The following DLGAP2 variants were observed in gnomAD, a reference collection of about 807,000 sequenced individuals.
DLGAP2 encodes disks large-associated protein 2.
A neutral mutation model predicts 100.3 loss-of-function variants in DLGAP2; 26 were observed. The ratio of observed to expected loss-of-function variants is 0.26; its 90% CI spans 0.19 to 0.36. DLGAP2 has a LOEUF of 0.36. DLGAP2 is among the 10% of genes least tolerant of loss of function. The pLI is 1.00. For missense variants in DLGAP2, 1,858 were observed against 1,453.2 expected, an observed-to-expected ratio of 1.28 and a Z score of -4.53; for synonymous variants, 886 against 630.1, an observed-to-expected ratio of 1.41 and a Z score of -6.08.
chr8:1,456,094 A>C (rs568903540), intron 3 of DLGAP2, among the ~76,000 whole-genome samples: 1 of 152,250 alleles, frequency 6.6e-6, no homozygotes, highest in African/African-American at 2.4e-5. Context: ...GCAGCTTTCG[A>C]TGGATCAAAG....
intron 4 of DLGAP2, among the ~76,000 whole-genome samples, chr8:1,518,992 G>A (rs1395985118): frequency 6.6e-6 from 1 of 152,162 alleles, no homozygotes; most frequent in Non-Finnish European, 1.5e-5. Context: ...CCGACCGTGT[G>A]TCCTCCAGCT....
chr8:1,363,258 G>A (rs187507902), intron 3 of DLGAP2, among the ~76,000 whole-genome samples: 27 of 152,276 alleles, frequency 1.8e-4, no homozygotes, highest in Admixed American at 7.2e-4. Flanking sequence ...TCCCGAAAGC[G>A]CCCCCACGCC....
At chr8:1,301,494 G>C (rs1800339080) in intron 3 of DLGAP2, 1 of 151,972 alleles carries the variant, frequency 6.6e-6, no homozygotes, top group African/African-American at 2.4e-5. Flanking sequence ...GCTCAAGATA[G>C]GTCTGAGGTT....
At chr8:1,451,604 C>T (rs559065397) in intron 3 of DLGAP2, among the ~76,000 whole-genome samples, 39 of 152,120 alleles carry the variant, frequency 2.6e-4, no homozygotes, top group African/African-American at 8.9e-4. Context: ...CATCACATGT[C>T]CCCTCCTGGC....
At chr8:819,178 G>A (rs1294936190) in intron 1 of DLGAP2, among the ~76,000 whole-genome samples, 1 of 152,186 alleles carries the variant, frequency 6.6e-6, no homozygotes, top group Non-Finnish European at 1.5e-5. Flanking sequence ...TCGATGTTAA[G>A]TATGAGCGTA....
At chr8:1,668,181 G>A (rs1798592734) in intron 8 of DLGAP2, 148 bp from the exon 9 acceptor site, 3 of 682,064 alleles carry the variant, frequency 4.4e-6, no homozygotes, top group Non-Finnish European at 7.3e-6. Flanking sequence ...CTGTCTCACT[G>A]TCCCCTCATT....
intron 4 of DLGAP2, among the ~76,000 whole-genome samples, chr8:1,510,476 G>T (rs1242908142): frequency 1.3e-5 from 2 of 152,220 alleles, no homozygotes; most frequent in Non-Finnish European, 2.9e-5. Flanking sequence ...GTCAAGGATG[G>T]GAAGGTCCAG....
At chr8:1,063,125 C>T (rs1475301810) in intron 2 of DLGAP2, among the ~76,000 whole-genome samples, 1 of 152,160 alleles carries the variant, frequency 6.6e-6, no homozygotes. Flanking sequence ...CTCTTATCAG[C>T]TGCATTAAAT....
At chr8:1,001,125 A>T (rs1800943608) in intron 2 of DLGAP2, among the ~76,000 whole-genome samples, 1 of 152,188 alleles carries the variant, frequency 6.6e-6, no homozygotes, top group African/African-American at 2.4e-5. Context: ...GATATAAAAC[A>T]TTTATTCATG....
At chr8:801,968 T>TCCGCACCCCTC (rs1796163878) in intron 1 of DLGAP2, among the ~76,000 whole-genome samples, 3 of 145,118 alleles carry the variant, frequency 2.1e-5, no homozygotes, top group Admixed American at 6.8e-5. Context: ...TGGGGAACGG[T>TCCGCACCCCTC]CTGCACCCCT....
Position 902,004 on chromosome 8 carries a change from C to T in DLGAP2, c.19-5908C>T, listed in dbSNP as rs118139050. Among the ~76,000 whole-genome samples the T allele has an allele frequency of 3.9e-5, 6 of 152,326 alleles. No homozygotes were observed. The East Asian group carries it at 1.2e-3, about 29-fold the overall frequency. ...CCCACTGGACCCCACCTGTGAGGTT[C>T]TGTGGTCAGGGGAACCCAGGGGGGT... On this transcript the variant is annotated intron_variant, in intron 1 of 14. Coordinates refer to ENST00000637795, the MANE Select transcript of DLGAP2 (RefSeq NM_001346810.2).
chr8:766,577 A>G (rs866738686), intron 1 of DLGAP2, among the ~76,000 whole-genome samples: 2 of 152,196 alleles, frequency 1.3e-5, no homozygotes, highest in African/African-American at 4.8e-5. Context: ...AGTGAGAGCC[A>G]GATCTCATTC....
At chr8:1,229,838 C>T (rs1415862839) in intron 2 of DLGAP2, among the ~76,000 whole-genome samples, 5 of 152,216 alleles carry the variant, frequency 3.3e-5, no homozygotes, top group Admixed American at 1.3e-4. Flanking sequence ...GATAAAAACC[C>T]TCCAGAAACT....
At chr8:1,149,678 G>T (rs1488258609) in intron 2 of DLGAP2, among the ~76,000 whole-genome samples, 2 of 152,060 alleles carry the variant, frequency 1.3e-5, no homozygotes, top group African/African-American at 4.8e-5. Context: ...TGACATCCAG[G>T]AATTTCATCT....
intron 2 of DLGAP2, among the ~76,000 whole-genome samples, chr8:973,091 C>T (rs1446052244): frequency 1.3e-5 from 2 of 152,252 alleles, no homozygotes; most frequent in South Asian, 2.1e-4. Flanking sequence ...TTCGACAAAA[C>T]CGCCATCGTC....
rs544471065 is a variant in DLGAP2 at position 1,307,762 on chromosome 8, C to T, written c.106+48879C>T. Reference sequence around the variant, plus strand: ...GACATTCCACAAAATGAAATTCGCCCGTCACAAAAGGAGAGTGACTGTGAT... The same window carrying T: ...GACATTCCACAAAATGAAATTCGCCTGTCACAAAAGGAGAGTGACTGTGAT... On this transcript the variant is annotated intron_variant, in intron 3 of 14. Coordinates refer to ENST00000637795, the MANE Select transcript of DLGAP2 (RefSeq NM_001346810.2). 1.0e-3 allele frequency among the ~76,000 whole-genome samples: 154 copies of T among 152,210 alleles called. 1 individual carries two copies. Among genetic ancestry groups the T allele is most frequent in the Non-Finnish European group, 1.7e-3 (116 of 68,016 alleles).
At chr8:813,147 A>G (rs1031349404) in intron 1 of DLGAP2, among the ~76,000 whole-genome samples, 16 of 152,346 alleles carry the variant, frequency 1.1e-4, no homozygotes, top group African/African-American at 3.8e-4. Flanking sequence ...AACAAAATGC[A>G]ACATAAAATT....
At chr8:1,263,493 C>T (rs1172461299) in intron 3 of DLGAP2, among the ~76,000 whole-genome samples, 1 of 152,060 alleles carries the variant, frequency 6.6e-6, no homozygotes, top group African/African-American at 2.4e-5. Flanking sequence ...ACCTCTTCTC[C>T]CTTCATAACT....
At chr8:1,135,100 C>G (rs973420957) in intron 2 of DLGAP2, among the ~76,000 whole-genome samples, 7 of 152,210 alleles carry the variant, frequency 4.6e-5, no homozygotes, top group Admixed American at 6.5e-5. Context: ...CCCAAGGACT[C>G]TAACACCTTA....
Sources: allele counts gnomAD v4.1 joint callset (sites outside exome capture counted in the v4.1 genomes callset), GRCh38; gene constraint gnomAD v4.1.1; transcripts MANE v1.5; gene names NCBI Gene and HGNC (gene_info 2026-07-23, HGNC 2026-07-21).